NELL1: variants seen among roughly 807,000 people sequenced by gnomAD.
NELL1 encodes protein kinase C-binding protein NELL1.
In NELL1, 76 loss-of-function variants were observed where a neutral mutation model predicts 107.4. The observed-to-expected ratio is 0.71, with a 90% CI of 0.59 to 0.86. NELL1 has a LOEUF of 0.86. Ranked by LOEUF, NELL1 falls within the 40% of genes least tolerant of loss-of-function variation. NELL1 has a pLI of 0.00. For synonymous variants in NELL1, 353 were observed against 341.2 expected, an observed-to-expected ratio of 1.03 and a Z score of -0.38; for missense variants, 1,024 against 1,005.5, an observed-to-expected ratio of 1.02 and a Z score of -0.25.
At chr11:21,366,557 C>T (rs770931105) in intron 14 of NELL1, among the ~76,000 whole-genome samples, 1 of 152,010 alleles carries the variant, frequency 6.6e-6, no homozygotes, top group Non-Finnish European at 1.5e-5. Context: ...ATTGTCGCAT[C>T]GAAGCACATA....
intron 15 of NELL1, among the ~76,000 whole-genome samples, chr11:21,516,054 A>T (rs562355543): frequency 6.6e-6 from 1 of 152,296 alleles, no homozygotes; most frequent in African/African-American, 2.4e-5. Flanking sequence ...GTGGTTACTT[A>T]TGGTCTCACA....
chr11:21,077,293 A>AG (rs1411649957), intron 12 of NELL1, among the ~76,000 whole-genome samples: 1 of 152,202 alleles, frequency 6.6e-6, no homozygotes, highest in Non-Finnish European at 1.5e-5. Flanking sequence ...AGGCAATTTA[A>AG]GATGCTATCT....
intron 12 of NELL1, among the ~76,000 whole-genome samples, chr11:21,099,953 T>G (rs116326937): frequency 2.3e-3 from 351 of 152,266 alleles, no homozygotes; most frequent in African/African-American, 8.0e-3. Flanking sequence ...TCAATGGGAT[T>G]TCAGTATATT....
At chr11:21,217,883 G>A (rs1020962962) in intron 13 of NELL1, among the ~76,000 whole-genome samples, 5 of 152,136 alleles carry the variant, frequency 3.3e-5, no homozygotes, top group Non-Finnish European at 7.3e-5. Flanking sequence ...AATTGATCAT[G>A]GCTACTGACG....
At chr11:21,550,124 C>T (rs922118383) in intron 16 of NELL1, among the ~76,000 whole-genome samples, 5 of 151,700 alleles carry the variant, frequency 3.3e-5, no homozygotes, top group South Asian at 2.1e-4. Flanking sequence ...ATTTTGGCAG[C>T]CTTTACCTTT....
intron 15 of NELL1, among the ~76,000 whole-genome samples, chr11:21,412,294 G>A (rs1014646030): frequency 6.6e-6 from 1 of 152,036 alleles, no homozygotes; most frequent in Middle Eastern, 3.4e-3. Context: ...TTTGTTTGGG[G>A]TGAATTTAGC....
intron 13 of NELL1, among the ~76,000 whole-genome samples, chr11:21,132,237 G>A (rs111778980): frequency 2.0e-5 from 3 of 152,020 alleles, no homozygotes; most frequent in East Asian, 1.9e-4. Flanking sequence ...ATATGCACGC[G>A]TGCACACACA....
At chr11:21,001,604 G>C (rs956324903) in intron 12 of NELL1, among the ~76,000 whole-genome samples, 1 of 152,078 alleles carries the variant, frequency 6.6e-6, no homozygotes, top group Non-Finnish European at 1.5e-5. Flanking sequence ...AGCTAGAGGG[G>C]CAGATGGTTT....
rs190642214 is a variant in NELL1 at position 21,417,418 on chromosome 11, T to C, written c.1645+46470T>C. ...TTTTTCATGTATTTACAGATTTATG[T>C]ATTAAAAATGTTTCTGATTTTTTTT... is the stretch of plus-strand genomic sequence containing the variant. On this transcript the variant is annotated intron_variant, in intron 15 of 19. Transcript: ENST00000357134. Among the ~76,000 whole-genome samples, 115 of 152,194 alleles carry C rather than the reference T, an allele frequency of 7.6e-4. 1 individual carries two copies. The highest frequency in any genetic ancestry group is 2.6e-3 in the African/African-American group (110 of 41,564).
At chr11:20,725,786 T>A (rs987570068) in intron 2 of NELL1, among the ~76,000 whole-genome samples, 1 of 152,220 alleles carries the variant, frequency 6.6e-6, no homozygotes, top group African/African-American at 2.4e-5. Context: ...AGGGGGTCCA[T>A]GTGCAGGTTT....
In NELL1 at chr11:21,570,848, A is replaced by G; in HGVS notation, c.2065A>G (p.Arg689Gly). 1 of 1,611,810 alleles carries G rather than the reference A, an allele frequency of 6.2e-7. No individual in the cohort carries two copies. The highest frequency in any genetic ancestry group is 2.2e-5 in the East Asian group (1 of 44,732). ...DLFCCPECDTRVTSQCLDQNG... is the reference protein window; with the variant it reads ...DLFCCPECDTGVTSQCLDQNG... ...ATTCTGTTGCCCAGAATGTGACACC[A>G]GAGTCACAAGTCAATGTTTAGACCA... The change falls in exon 18 of 20, where the codon AGA becomes GGA. Residue 689 changes from arginine (R) to glycine (G), a missense_variant. By Grantham distance (125) the Arg-to-Gly change is moderately radical. Coordinates refer to ENST00000357134, the MANE Select transcript of NELL1 (RefSeq NM_006157.5).
intron 12 of NELL1, among the ~76,000 whole-genome samples, chr11:21,055,468 A>C (rs1158506865): frequency 6.6e-6 from 1 of 152,142 alleles, no homozygotes. Flanking sequence ...CAACTTCTAT[A>C]TCCCTTAATA....
chr11:21,151,726 C>T (rs1191899248), intron 13 of NELL1, among the ~76,000 whole-genome samples: 3 of 152,150 alleles, frequency 2.0e-5, no homozygotes, highest in Non-Finnish European at 2.9e-5. Flanking sequence ...AAGATGAAAT[C>T]TTGATGAATT....
intron 12 of NELL1, among the ~76,000 whole-genome samples, chr11:20,982,661 G>A (rs925207252): frequency 6.6e-6 from 1 of 152,190 alleles, no homozygotes; most frequent in Non-Finnish European, 1.5e-5. Flanking sequence ...AAGTGACTTG[G>A]CCAAGGCCAT....
At chr11:21,239,394 C>T (rs16907732) in intron 14 of NELL1, among the ~76,000 whole-genome samples, 10,122 of 152,006 alleles carry the variant, frequency 0.067, 542 homozygotes, top group East Asian at 0.2. Context: ...ATAATTCAAA[C>T]TTTATGATCC....
At chr11:21,290,390 A>ATAAAATAG (rs1404494292) in intron 14 of NELL1, among the ~76,000 whole-genome samples, 477 of 84,030 alleles carry the variant, frequency 5.7e-3, no homozygotes, top group Middle Eastern at 0.015. Flanking sequence ...AAATAAATAA[A>ATAAAATAG]ATAAATAGAT....
intron 2 of NELL1, chr11:20,773,747 C>T (rs1856686824): frequency 6.6e-6 from 1 of 152,214 alleles, no homozygotes; most frequent in South Asian, 2.1e-4. Flanking sequence ...ATCTGCCTGC[C>T]TCAGCCTCCC....
chr11:21,290,786 A>G (rs10766784), intron 14 of NELL1, among the ~76,000 whole-genome samples: 134,087 of 152,200 alleles, frequency 0.88, 59,798 homozygotes, highest in Non-Finnish European at 0.95. Context: ...ACAGAAAGGA[A>G]TAGCATCAAC....
chr11:21,505,358 T>C (rs1418230724), intron 15 of NELL1, among the ~76,000 whole-genome samples: 1 of 152,158 alleles, frequency 6.6e-6, no homozygotes, highest in African/African-American at 2.4e-5. Context: ...GAGTGATCTT[T>C]TCAAAACAGA....
Sources: gnomAD v4.1 joint callset for allele counts (sites outside exome capture counted in the v4.1 genomes callset) on GRCh38, gnomAD v4.1.1 for gene constraint, MANE v1.5 for transcripts, NCBI Gene and HGNC (gene_info 2026-07-23, HGNC 2026-07-21) for gene names.